VAV3: variants seen among roughly 807,000 people sequenced by gnomAD.
VAV3 encodes the protein guanine nucleotide exchange factor VAV3.
Under a neutral mutation model 131.2 loss-of-function variants are expected in VAV3, and 94 were observed. The observed-to-expected ratio is 0.72, with a 90% CI of 0.61 to 0.85. The LOEUF is 0.85. Ranked by LOEUF, VAV3 falls within the 40% of genes least tolerant of loss-of-function variation. VAV3 has a pLI of 0.00. For missense variants in VAV3, 939 were observed against 1,002.7 expected (o/e 0.94, Z 0.86); for synonymous variants, 349 against 342.0 (o/e 1.02, Z -0.22).
intron 1 of VAV3, among the ~76,000 whole-genome samples, chr1:107,953,236 T>C (rs1205356878): frequency 6.6e-6 from 1 of 152,164 alleles, no homozygotes; most frequent in Admixed American, 6.5e-5. Flanking sequence ...TCCTCCTCTG[T>C]AGAGCAGTGA....
At chr1:107,670,137 G>A (rs1657680046) in intron 19 of VAV3, among the ~76,000 whole-genome samples, 1 of 152,182 alleles carries the variant, frequency 6.6e-6, no homozygotes, top group African/African-American at 2.4e-5. Context: ...GATTTGCACA[G>A]CAGCTTGGAC....
chr1:107,603,216 G>A (rs544375345), intron 22 of VAV3, 53 bp from the exon 23 acceptor site: 1 of 1,324,138 alleles, frequency 7.6e-7, no homozygotes, highest in African/African-American at 1.4e-5. Context: ...GAAGAGAACA[G>A]AGGCTAAAAG....
At chr1:107,620,438 T>C (rs1251047051) in intron 20 of VAV3, among the ~76,000 whole-genome samples, 1 of 152,152 alleles carries the variant, frequency 6.6e-6, no homozygotes, top group Non-Finnish European at 1.5e-5. Flanking sequence ...TGCAGTAACA[T>C]GCGATACAGG....
intron 1 of VAV3, among the ~76,000 whole-genome samples, chr1:107,947,947 T>C (rs923023564): frequency 2.6e-5 from 4 of 152,176 alleles, no homozygotes; most frequent in South Asian, 2.1e-4. Context: ...TAATAACTTA[T>C]GGTGACGCCT....
chr1:107,632,586 A>G (rs1171819354), intron 20 of VAV3, among the ~76,000 whole-genome samples: 2 of 152,200 alleles, frequency 1.3e-5, no homozygotes, highest in East Asian at 3.8e-4. Flanking sequence ...CCCAAGTTAC[A>G]TCTGTATGGG....
At chr1:107,825,642 C>T (rs60625329) in intron 2 of VAV3, among the ~76,000 whole-genome samples, 3,397 of 152,178 alleles carry the variant, frequency 0.022, 124 homozygotes, top group African/African-American at 0.078. Context: ...ATGCTTTGAC[C>T]TTTCCTACCC....
chr1:107,649,147 CGT>C (rs1288634240), intron 19 of VAV3, among the ~76,000 whole-genome samples: 3 of 152,044 alleles, frequency 2.0e-5, no homozygotes, highest in Admixed American at 2.0e-4. Flanking sequence ...GCTCTGTGGA[CGT>C]GTGAGTTAGC....
chr1:107,674,307 C>T lies in VAV3; in HGVS notation c.1777+9181G>A, dbSNP rs114356315. Reference sequence around the variant, plus strand: ...TGTCTACAGTTGTTTGTTTCAGAACCTCTAATTAGCTGCCTTATCTTCTGG... The same window carrying T: ...TGTCTACAGTTGTTTGTTTCAGAACTTCTAATTAGCTGCCTTATCTTCTGG... On this transcript the variant is annotated intron_variant, in intron 19 of 26. Coordinates refer to ENST00000370056, the MANE Select transcript of VAV3 (RefSeq NM_006113.5). 8.8e-3 allele frequency among the ~76,000 whole-genome samples: 1,337 copies of T among 152,286 alleles called. 11 individuals are homozygous for T. Among genetic ancestry groups the T allele is most frequent in the African/African-American group, 0.027 (1,130 of 41,546 alleles).
intron 2 of VAV3, among the ~76,000 whole-genome samples, chr1:107,869,068 C>A (rs1243061902): frequency 6.6e-6 from 1 of 151,898 alleles, no homozygotes; most frequent in African/African-American, 2.4e-5. Flanking sequence ...TCTTCTGTAT[C>A]AGGAAGAGAG....
chr1:107,643,037 G>A (rs934556467), intron 19 of VAV3, among the ~76,000 whole-genome samples: 41 of 151,982 alleles, frequency 2.7e-4, no homozygotes, highest in African/African-American at 8.9e-4. Context: ...TTCAGCTGAT[G>A]CCTGCTTCAT....
intron 19 of VAV3, among the ~76,000 whole-genome samples, chr1:107,643,358 A>G (rs986587273): frequency 1.3e-5 from 2 of 152,200 alleles, no homozygotes; most frequent in African/African-American, 4.8e-5. Context: ...AATAGCACCA[A>G]TGATATTTGA....
intron 19 of VAV3, among the ~76,000 whole-genome samples, chr1:107,666,592 A>G (rs941076908): frequency 1.1e-4 from 16 of 141,468 alleles, no homozygotes; most frequent in Non-Finnish European, 3.0e-5. Context: ...TTTTTTTGAG[A>G]CGGAGTCTCA....
At chr1:107,866,147 T>C (rs1286738297) in intron 2 of VAV3, among the ~76,000 whole-genome samples, 1 of 152,150 alleles carries the variant, frequency 6.6e-6, no homozygotes, top group Non-Finnish European at 1.5e-5. Flanking sequence ...TTGACCTCAG[T>C]GTCTGCTTGG....
chr1:107,884,927 A>G (rs1021907059), intron 1 of VAV3, among the ~76,000 whole-genome samples: 1 of 152,182 alleles, frequency 6.6e-6, no homozygotes, highest in Non-Finnish European at 1.5e-5. Flanking sequence ...TTTGGTATCA[A>G]TGGAAATAGT....
intron 1 of VAV3, among the ~76,000 whole-genome samples, chr1:107,913,004 C>A (rs1314581066): frequency 6.6e-6 from 1 of 152,188 alleles, no homozygotes; most frequent in African/African-American, 2.4e-5. Flanking sequence ...ATGAAGATGG[C>A]AATCTCATGT....
At chr1:107,807,531 G>A (rs931438413) in intron 2 of VAV3, among the ~76,000 whole-genome samples, 3 of 152,180 alleles carry the variant, frequency 2.0e-5, no homozygotes, top group Admixed American at 6.5e-5. Context: ...GAGCAGGGTC[G>A]TAGTGCTCCA....
chr1:107,738,270 G>C (rs1662793663), intron 15 of VAV3, among the ~76,000 whole-genome samples: 2 of 152,100 alleles, frequency 1.3e-5, no homozygotes, highest in African/African-American at 4.8e-5. Context: ...GAATTAATGG[G>C]TGCAGCAAAC....
At chr1:107,903,968 C>T (rs752474678) in intron 1 of VAV3, among the ~76,000 whole-genome samples, 18 of 152,124 alleles carry the variant, frequency 1.2e-4, no homozygotes, top group Admixed American at 3.9e-4. Context: ...ATGCCCTCAT[C>T]GATCTGCAGC....
At position 107,754,942 on chromosome 1, in the gene VAV3, C is replaced by T. The variant is rs190899689; in HGVS notation, c.1173+485G>A. ...CTCCCCTTGTAATCCTCAGTTATAG[C>T]AGCCAGTTCACAGCACTAATCTCAA... On this transcript the variant is annotated intron_variant, in intron 12 of 26. Transcript: ENST00000370056. Among the ~76,000 whole-genome samples the T allele has an allele frequency of 5.2e-3, 793 of 152,220 alleles. 33 individuals carry two copies. Among genetic ancestry groups the T allele is most frequent in the Admixed American group, 0.045 (689 of 15,276 alleles).
Sources: allele counts gnomAD v4.1 joint callset (sites outside exome capture counted in the v4.1 genomes callset), GRCh38; gene constraint gnomAD v4.1.1; transcripts MANE v1.5; gene names NCBI Gene and HGNC (gene_info 2026-07-23, HGNC 2026-07-21).